The following FSTL5 variants were observed in gnomAD, a reference collection of about 807,000 sequenced individuals.
The protein encoded by FSTL5 is follistatin-related protein 5.
Under a neutral mutation model 89.1 loss-of-function variants are expected in FSTL5, and 62 were observed. The ratio of observed to expected loss-of-function variants is 0.70; its 90% CI spans 0.57 to 0.86. FSTL5 has a LOEUF of 0.86. FSTL5 is among the 40% of genes least tolerant of loss of function. The pLI, the probability that FSTL5 is intolerant of heterozygous loss-of-function variation, is 0.00. For synonymous variants in FSTL5, 383 were observed against 346.2 expected, an observed-to-expected ratio of 1.11 and a Z score of -1.18; for missense variants, 1,057 against 1,001.6, an observed-to-expected ratio of 1.06 and a Z score of -0.75.
chr4:161,408,041 G>A (rs76384859), intron 15 of FSTL5, among the ~76,000 whole-genome samples: 9,329 of 152,188 alleles, frequency 0.061, 313 homozygotes, highest in Admixed American at 0.1. Context: ...AAAACTGAGA[G>A]GACTGAGTCA....
chr4:161,800,440 G>T (rs1729756329), intron 4 of FSTL5, among the ~76,000 whole-genome samples: 1 of 151,534 alleles, frequency 6.6e-6, no homozygotes, highest in South Asian at 2.1e-4. Flanking sequence ...TATGTCAAAG[G>T]ACATTTCAGA....
intron 6 of FSTL5, among the ~76,000 whole-genome samples, chr4:161,711,755 A>C (rs1738788659): frequency 6.6e-6 from 1 of 152,176 alleles, no homozygotes; most frequent in Non-Finnish European, 1.5e-5. Context: ...CAAATCAGAA[A>C]TATATAAAGA....
intron 4 of FSTL5, among the ~76,000 whole-genome samples, chr4:161,896,908 G>T (rs1200897673): frequency 2.6e-5 from 4 of 151,964 alleles, no homozygotes; most frequent in Admixed American, 6.6e-5. Flanking sequence ...GATACCATTG[G>T]CATATATAAT....
chr4:161,799,165 CA>C (rs1045717211), intron 4 of FSTL5, among the ~76,000 whole-genome samples: 1 of 151,618 alleles, frequency 6.6e-6, no homozygotes, highest in Admixed American at 6.6e-5. Flanking sequence ...ACAGTGATAT[CA>C]AAACCTGGTT....
chr4:161,597,386 A>T (rs1355033281), intron 7 of FSTL5, among the ~76,000 whole-genome samples: 3 of 150,276 alleles, frequency 2.0e-5, no homozygotes, highest in Non-Finnish European at 3.0e-5. Flanking sequence ...AGGACAAAAA[A>T]CCAAACACCG....
intron 8 of FSTL5, among the ~76,000 whole-genome samples, chr4:161,571,704 C>T (rs1169187818): frequency 2.0e-5 from 3 of 152,138 alleles, no homozygotes; most frequent in Non-Finnish European, 2.9e-5. Context: ...ACATTAATCT[C>T]AATTTTAGAT....
At chr4:161,715,121 A>T (rs1320873427) in intron 6 of FSTL5, among the ~76,000 whole-genome samples, 2 of 152,142 alleles carry the variant, frequency 1.3e-5, no homozygotes, top group Admixed American at 1.3e-4. Flanking sequence ...TGTTTTAAGG[A>T]GGAGGGTGGT....
In FSTL5 at chr4:161,997,822, T is replaced by G. The variant is rs920066913; in HGVS notation, c.160+35803A>C. On this transcript the variant is annotated intron_variant, in intron 3 of 15. Coordinates refer to ENST00000306100, the MANE Select transcript of FSTL5 (RefSeq NM_020116.5). ...GGCTTCACTGTGTTAGCAAGGATGG[T>G]CTCGATCTCCTGACCTCGTGATCCG... is the stretch of plus-strand genomic sequence containing the variant. Among the ~76,000 whole-genome samples, 24 of 152,112 alleles carry G rather than the reference T, an allele frequency of 1.6e-4. 1 individual carries two copies. The highest frequency in any genetic ancestry group is 4.4e-5 in the Non-Finnish European group (3 of 68,020).
chr4:162,067,351 C>G (rs1738954213), intron 2 of FSTL5, among the ~76,000 whole-genome samples: 2 of 152,056 alleles, frequency 1.3e-5, no homozygotes, highest in Non-Finnish European at 2.9e-5. Context: ...CCACATTTGG[C>G]CTATTCTTTG....
intron 3 of FSTL5, among the ~76,000 whole-genome samples, chr4:162,016,695 C>T (rs1478161401): frequency 6.6e-6 from 1 of 152,118 alleles, no homozygotes. Flanking sequence ...TTTGGAGTAT[C>T]TCCATGTTCC....
At chr4:161,763,382 C>T (rs1419206107) in intron 5 of FSTL5, among the ~76,000 whole-genome samples, 1 of 152,130 alleles carries the variant, frequency 6.6e-6, no homozygotes, top group Admixed American at 6.6e-5. Context: ...AAGGTACTGT[C>T]TCCCAAGTAT....
chr4:161,825,648 T>A (rs956004407), intron 4 of FSTL5, among the ~76,000 whole-genome samples: 5 of 152,184 alleles, frequency 3.3e-5, no homozygotes, highest in African/African-American at 1.2e-4. Context: ...TTTATCTATC[T>A]CTTCTAGGTT....
chr4:161,633,380 C>T (rs921474635), intron 7 of FSTL5, among the ~76,000 whole-genome samples: 1 of 150,568 alleles, frequency 6.6e-6, no homozygotes, highest in Non-Finnish European at 1.5e-5. Context: ...TCGCTCTGTC[C>T]TCTGTCACCA....
At chr4:161,952,105 A>G (rs1262135959) in intron 3 of FSTL5, among the ~76,000 whole-genome samples, 1 of 152,016 alleles carries the variant, frequency 6.6e-6, no homozygotes, top group African/African-American at 2.4e-5. Context: ...TAACTTGACA[A>G]ATAAATAAGG....
chr4:161,497,521 T>C (rs898310562), intron 12 of FSTL5, among the ~76,000 whole-genome samples: 1 of 152,116 alleles, frequency 6.6e-6, no homozygotes, highest in Non-Finnish European at 1.5e-5. Context: ...CAAAATACTA[T>C]TTGATAGTTT....
At chr4:161,686,135 A>G (rs1737702073) in intron 6 of FSTL5, among the ~76,000 whole-genome samples, 1 of 150,436 alleles carries the variant, frequency 6.6e-6, no homozygotes, top group Non-Finnish European at 1.5e-5. Flanking sequence ...ATTTTTTGAT[A>G]TGTTTTTGGA....
chr4:161,995,869 A>G (rs1338930158), intron 3 of FSTL5, among the ~76,000 whole-genome samples: 1 of 151,724 alleles, frequency 6.6e-6, no homozygotes, highest in Non-Finnish European at 1.5e-5. Context: ...GGGAGACTAC[A>G]CACTCTTCAG....
chr4:162,110,909 A>T (rs956232900), intron 2 of FSTL5, among the ~76,000 whole-genome samples: 58 of 152,080 alleles, frequency 3.8e-4, no homozygotes, highest in Middle Eastern at 3.5e-3. Context: ...CATAGGACAT[A>T]ACACTTATTT....
chr4:161,740,295 C>T (rs570409801), intron 6 of FSTL5, among the ~76,000 whole-genome samples: 1 of 152,228 alleles, frequency 6.6e-6, no homozygotes, highest in East Asian at 1.9e-4. Context: ...GCTGGGATTA[C>T]AGGTGTGAGC....
Sources: gnomAD v4.1 joint callset for allele counts (sites outside exome capture counted in the v4.1 genomes callset) on GRCh38, gnomAD v4.1.1 for gene constraint, MANE v1.5 for transcripts, NCBI Gene and HGNC (gene_info 2026-07-23, HGNC 2026-07-21) for gene names.